AOX1: variants seen among roughly 807,000 people sequenced by gnomAD.
AOX1 encodes the protein aldehyde oxidase.
AOX1 carries 153 observed loss-of-function variants against 169.5 expected under a neutral mutation model. That is an observed-to-expected ratio of 0.90 (90% CI 0.79 to 1.03). The LOEUF is 1.03. Ranked by LOEUF, AOX1 falls within the 50% of genes least tolerant of loss-of-function variation. The pLI is 0.00. For synonymous variants in AOX1, 562 were observed against 581.9 expected, an observed-to-expected ratio of 0.97 and a Z score of 0.49; for missense variants, 1,656 against 1,663.9, an observed-to-expected ratio of 1.00 and a Z score of 0.08.
At chr2:200,659,948 T>A (rs1197538855) in intron 28 of AOX1, 47 bp from the exon 29 acceptor site, 2 of 1,442,124 alleles carry the variant, frequency 1.4e-6, no homozygotes, top group African/African-American at 1.4e-5. Context: ...GAATTTGGTG[T>A]TTGCATGAAA....
intron 3 of AOX1, 83 bp downstream of exon 3, chr2:200,595,451 T>G: frequency 1.1e-6 from 1 of 939,986 alleles, no homozygotes; most frequent in Non-Finnish European, 1.6e-6. Flanking sequence ...AAATATATAT[T>G]GAGTACCTAC....
At chr2:200,656,417 A>G (rs988423356) in intron 26 of AOX1, among the ~76,000 whole-genome samples, 2 of 152,204 alleles carry the variant, frequency 1.3e-5, no homozygotes, top group African/African-American at 4.8e-5. Context: ...CTATACAGTT[A>G]GATAAGATTA....
intron 12 of AOX1, among the ~76,000 whole-genome samples, chr2:200,610,643 G>A (rs916806289): frequency 1.3e-5 from 2 of 152,048 alleles, no homozygotes; most frequent in African/African-American, 2.4e-5. Flanking sequence ...TCTTATTCAT[G>A]ACTGTATCTA....
At chr2:200,612,156 C>T (rs1388927821) in intron 13 of AOX1, among the ~76,000 whole-genome samples, 1 of 152,132 alleles carries the variant, frequency 6.6e-6, no homozygotes, top group African/African-American at 2.4e-5. Flanking sequence ...CCTAAAAATA[C>T]ATTTGCAATA....
intron 13 of AOX1, among the ~76,000 whole-genome samples, chr2:200,612,021 C>A (rs78621773): frequency 3.9e-5 from 6 of 152,048 alleles, no homozygotes; most frequent in Admixed American, 6.6e-5. Context: ...CTGCCATTCT[C>A]GCTCTTTCTC....
At chr2:200,649,134 G>C (rs758639898) in intron 25 of AOX1, among the ~76,000 whole-genome samples, 4 of 152,074 alleles carry the variant, frequency 2.6e-5, no homozygotes, top group Admixed American at 2.0e-4. Context: ...TTGTTACAAA[G>C]TTCAGCTAGA....
chr2:200,663,943 TCA>T (rs2035879212), intron 31 of AOX1, among the ~76,000 whole-genome samples: 1 of 152,206 alleles, frequency 6.6e-6, no homozygotes, highest in Admixed American at 6.5e-5. Flanking sequence ...GAAACTATGG[TCA>T]CTTTTATTGA....
At position 200,604,758 on chromosome 2, in the gene AOX1, T is replaced by G. The variant is rs1344615662; in HGVS notation, c.732T>G (p.Phe244Leu). ...RVFGSERMMW[F>L]SPVTLKELLE... ...TTGGCAGTGAGAGAATGATGTGGTT[T>G]TCCCCCGTGACCCTGAAGGAACTGC... Residue 244 changes from phenylalanine to leucine, a missense_variant, in exon 9 of 35, where the codon TTT (phenylalanine) becomes TTG (leucine). Phe to Leu is a conservative substitution (Grantham distance 22). Coordinates refer to ENST00000374700, the MANE Select transcript of AOX1 (RefSeq NM_001159.4). 1 of 1,614,076 alleles carries G rather than the reference T, an allele frequency of 6.2e-7. No homozygotes were observed. The highest frequency in any genetic ancestry group is 1.1e-5 in the South Asian group (1 of 91,076).
chr2:200,650,879 C>T, intron 25 of AOX1, 95 bp from the exon 26 acceptor site: 1 of 1,156,882 alleles, frequency 8.6e-7, no homozygotes. Context: ...TTGGACCTTA[C>T]AGGATGGGCA....
rs774099422 is a variant in AOX1, at chr2:200,662,960, G to A, written c.3534G>A (p.Gly1178=). Residue 1178 remains glycine, a synonymous_variant, in exon 31 of 35, where the codon GGG becomes GGA. Transcript: ENST00000374700. ...CSEVEIDCLT[G]DHKNIRTDIV... is the part of the protein sequence containing the mutation. Reference sequence around the variant, plus strand: ...AGGTTGAAATAGACTGCCTGACGGGGGATCATAAGGTCAGTACCGGTTGGA... The same window carrying A: ...AGGTTGAAATAGACTGCCTGACGGGAGATCATAAGGTCAGTACCGGTTGGA... 5.0e-6 allele frequency: 8 copies of A among 1,613,668 alleles called. No homozygotes were observed. The Admixed American group carries it at 6.7e-5, about 13-fold the overall frequency.
chr2:200,592,493 A>G (rs1420580808), intron 1 of AOX1, among the ~76,000 whole-genome samples: 2 of 152,294 alleles, frequency 1.3e-5, no homozygotes, highest in African/African-American at 4.8e-5. Flanking sequence ...AACATAACCA[A>G]TCTTGACATT....
At chr2:200,588,008 G>C (rs2034074353) in intron 1 of AOX1, among the ~76,000 whole-genome samples, 1 of 152,174 alleles carries the variant, frequency 6.6e-6, no homozygotes, top group Non-Finnish European at 1.5e-5. Context: ...TTGCGTGCAT[G>C]GAGCTTACAT....
chr2:200,630,424 G>A (rs1452450168), intron 20 of AOX1, among the ~76,000 whole-genome samples: 3 of 151,848 alleles, frequency 2.0e-5, no homozygotes, highest in African/African-American at 7.3e-5. Context: ...TCGGAAGGCT[G>A]AGGCACCAGA....
intron 3 of AOX1, among the ~76,000 whole-genome samples, chr2:200,595,698 A>G (rs1559230314): frequency 6.6e-6 from 1 of 152,088 alleles, no homozygotes; most frequent in Non-Finnish European, 1.5e-5. Context: ...TCTCTAAGAA[A>G]AAAAAAAATC....
chr2:200,593,004 G>A (rs1239288654), intron 1 of AOX1, 142 bp from the exon 2 acceptor site: 1 of 657,618 alleles, frequency 1.5e-6, no homozygotes, highest in South Asian at 1.8e-5. Context: ...GCATATCACA[G>A]CTGTTCCATA....
intron 18 of AOX1, 36 bp from the exon 19 acceptor site, chr2:200,623,825 G>T (rs764148482): frequency 1.2e-6 from 2 of 1,612,286 alleles, no homozygotes; most frequent in Non-Finnish European, 1.7e-6. Flanking sequence ...CCTGATGCCT[G>T]CCCTCCTTGA....
chr2:200,649,236 A>G (rs1291376743), intron 25 of AOX1, among the ~76,000 whole-genome samples: 3 of 142,718 alleles, frequency 2.1e-5, no homozygotes, highest in African/African-American at 7.8e-5. Flanking sequence ...GTTAGGCAGG[A>G]ATGGCCTGGC....
At position 200,641,018 on chromosome 2, in the gene AOX1, T is replaced by C; in HGVS notation, c.2569-80T>C. Reference sequence around the variant, plus strand: ...CCAATGTCATGACGCTTTTCCCCTATGTGTGGAGGGTTTGCAAATGACAAA... The same window carrying C: ...CCAATGTCATGACGCTTTTCCCCTACGTGTGGAGGGTTTGCAAATGACAAA... On this transcript the variant is annotated intron_variant, in intron 23 of 34. Transcript: ENST00000374700. 3.4e-6 allele frequency: 3 copies of C among 891,126 alleles called. No individual in the cohort carries two copies. The South Asian group carries it at 4.1e-5, about 12-fold the overall frequency. The allele number at this position is 891,126 out of a possible 1,614,324, so 55.2% of individuals were successfully genotyped here. A position where few individuals can be genotyped will look rare whatever the true frequency, so the allele number is the denominator to read the frequency against.
intron 27 of AOX1, among the ~76,000 whole-genome samples, chr2:200,657,198 T>A (rs1324606300): frequency 2.2e-4 from 25 of 111,512 alleles, no homozygotes; most frequent in Non-Finnish European, 3.8e-4. Context: ...ATATTTTTTT[T>A]TTTTTTTAAT....
Sources: allele counts gnomAD v4.1 joint callset (sites outside exome capture counted in the v4.1 genomes callset), GRCh38; gene constraint gnomAD v4.1.1; transcripts MANE v1.5; gene names NCBI Gene and HGNC (gene_info 2026-07-23, HGNC 2026-07-21).